Variants in RAP1GAP observed in about 807,000 individuals in gnomAD.
RAP1GAP encodes rap1 GTPase-activating protein 1.
RAP1GAP carries 35 observed loss-of-function variants against 87.2 expected under a neutral mutation model. The ratio of observed to expected loss-of-function variants is 0.40; its 90% CI spans 0.31 to 0.53. RAP1GAP has a LOEUF of 0.53. RAP1GAP is among the 20% of genes least tolerant of loss of function. RAP1GAP has a pLI of 0.48. For missense variants in RAP1GAP, 734 were observed against 898.9 expected (o/e 0.82, Z 2.35); for synonymous variants, 375 against 363.9 (o/e 1.03, Z -0.35).
chr1:21,622,124 G>C lies in RAP1GAP; in HGVS notation c.-18-2074C>G, dbSNP rs1175438005. ...CCTGCCGCTGCAGCCCAGAGCCACA[G>C]TGCCACCCGGGAGGCCACAGCAAGA... On this transcript the variant is annotated intron_variant, in intron 3 of 24. Coordinates refer to ENST00000374765, the MANE Select transcript of RAP1GAP (RefSeq NM_002885.4). The surrounding 1 kb of genome is among the most constrained non-coding windows in gnomAD (Gnocchi z 5.7). Among the ~76,000 whole-genome samples the C allele has an allele frequency of 1.3e-5, 2 of 152,212 alleles. No homozygotes were observed. Among genetic ancestry groups the C allele is most frequent in the African/African-American group, 4.8e-5 (2 of 41,456 alleles).
chr1:21,615,976 A>G lies in RAP1GAP; in HGVS notation c.291+1330T>C, dbSNP rs563351730. ...TGGGTTCTGGGTTTGTTCCCAGGCA[A>G]AGGCTCCTGAACCTGGGCTTGCTGG... On this transcript the variant is annotated intron_variant, in intron 7 of 24. Transcript: ENST00000374765. This position sits in a 1 kb window ranked among gnomAD's most constrained non-coding sequence, Gnocchi z 4.5. Among the ~76,000 whole-genome samples the G allele has an allele frequency of 6.6e-5, 10 of 152,184 alleles. No homozygotes were observed. The South Asian group carries it at 2.1e-3, about 32-fold the overall frequency.
chr1:21,601,773 C>A lies in RAP1GAP; in HGVS notation c.1563G>T (p.Lys521Asn). 1 of 1,610,394 alleles carries A rather than the reference C, an allele frequency of 6.2e-7. No individual in the cohort carries two copies. Among genetic ancestry groups the A allele is most frequent in the African/African-American group, 1.3e-5 (1 of 74,998 alleles). The change falls in exon 20 of 25, where the codon AAG becomes AAT. Residue 521 changes from lysine (K) to asparagine (N), a missense_variant. This residue lies in a region of RAP1GAP where 249 missense variants were observed against 252.7 expected (regional missense o/e 0.99). Transcript: ENST00000374765. ...GTGAGACGTGCCCGCTGTCTGGGGT[C>A]TTCTGACCAGCCGGAGGGCTCTCCC... ...EKRESPPAGQ[K>N]TPDSGHVSQE...
In RAP1GAP at chr1:21,610,781, G is replaced by A. The variant is rs887493096; in HGVS notation, c.844-506C>T. On this transcript the variant is annotated intron_variant, in intron 13 of 24. Transcript: ENST00000374765. The stretch of plus-strand genomic sequence containing the variant: ...CAATTGAATAAACAAGCTCAACTTG[G>A]TATACATTCATGTTGCTAAAATGAA... Among the ~76,000 whole-genome samples, 4 of 152,234 alleles carry A rather than the reference G, an allele frequency of 2.6e-5. No individual in the cohort carries two copies. The East Asian group carries it at 7.7e-4, about 29-fold the overall frequency.
At position 21,634,723 on chromosome 1, in the gene RAP1GAP, C is replaced by T; in HGVS notation, c.-112-8326G>A. Reference sequence around the variant, plus strand: ...GAGGTGGTCACGGGACCGGTCCCTGCCCAGGGCACAGCATCTGGGAACCAG... The same window carrying T: ...GAGGTGGTCACGGGACCGGTCCCTGTCCAGGGCACAGCATCTGGGAACCAG... On this transcript the variant is annotated intron_variant, in intron 2 of 24. Coordinates refer to ENST00000374765, the MANE Select transcript of RAP1GAP (RefSeq NM_002885.4). This position sits in a 1 kb window ranked among gnomAD's most constrained non-coding sequence, Gnocchi z 4.1. The T allele has an allele frequency of 4.4e-6, 2 of 452,388 alleles. No individual in the cohort carries two copies. Among genetic ancestry groups the T allele is most frequent in the South Asian group, 1.6e-5 (1 of 62,494 alleles). 28.0% of individuals were successfully genotyped at this position (452,388 alleles called of 1,614,324 possible). A position where few individuals can be genotyped will look rare whatever the true frequency, so the allele number is the denominator to read the frequency against.
intron 5 of RAP1GAP, among the ~76,000 whole-genome samples, chr1:21,618,501 C>A (rs752733794): frequency 6.6e-6 from 1 of 152,242 alleles, no homozygotes; most frequent in South Asian, 2.1e-4. Context: ...CCCCTCATCT[C>A]GCTGAGTCCC....
intron 2 of RAP1GAP, 75 bp from the exon 3 acceptor site, chr1:21,626,472 A>C: frequency 4.1e-6 from 5 of 1,216,800 alleles, no homozygotes; most frequent in Non-Finnish European, 6.1e-6. Flanking sequence ...AGTCACTCTC[A>C]GAGCTGGGGG....
At chr1:21,660,581 G>A (rs187036570) in intron 1 of RAP1GAP, among the ~76,000 whole-genome samples, 3 of 151,704 alleles carry the variant, frequency 2.0e-5, no homozygotes, top group East Asian at 2.0e-4. Flanking sequence ...TGGTCCTCCC[G>A]CCTCAGCCTC....
intron 2 of RAP1GAP, among the ~76,000 whole-genome samples, chr1:21,633,810 C>A (rs547323016): frequency 3.3e-4 from 50 of 152,160 alleles, no homozygotes; most frequent in Non-Finnish European, 6.2e-4. Context: ...TCCCTGGGGT[C>A]TTCCTGGTTT....
Position 21,660,339 on chromosome 1 carries a change from C to CTATATATATATATATATATA in RAP1GAP, c.-149+8914_-149+8915insTATATATATATATATATATA, listed in dbSNP as rs1553503813. ...CTGGACAGAGTGGGTTCCAACTCAG[C>CTATATATATATATATATATA]TATATATATTTATTGAGACAGTCTC... is the stretch of plus-strand genomic sequence containing the variant. On this transcript the variant is annotated intron_variant, in intron 1 of 24. Coordinates refer to ENST00000374765, the MANE Select transcript of RAP1GAP (RefSeq NM_002885.4). Among the ~76,000 whole-genome samples, 7 of 52,858 alleles carry CTATATATATATATATATATA rather than the reference C, an allele frequency of 1.3e-4. 1 individual carries two copies. Among genetic ancestry groups the CTATATATATATATATATATA allele is most frequent in the Non-Finnish European group, 2.9e-4 (7 of 23,868 alleles). 34.7% of individuals were successfully genotyped at this position (52,858 alleles called of 152,430 possible).
Position 21,602,893 on chromosome 1 carries a change from C to G in RAP1GAP, c.1449G>C (p.Lys483Asn), listed in dbSNP as rs2070084851. 1 of 1,610,512 alleles carries G rather than the reference C, an allele frequency of 6.2e-7. No homozygotes were observed. Among genetic ancestry groups the G allele is most frequent in the Non-Finnish European group, 8.5e-7 (1 of 1,179,566 alleles). The stretch of plus-strand genomic sequence containing the variant: ...GGCCCGACTTCTTCCTCGTGGGGCT[C>G]TTCCCAGGGACAATCAGTGACTGTG... ...AAGISLIVPG[K>N]SPTRKKSGPF... The change falls in exon 19 of 25, where the codon AAG becomes AAC. Residue 483 changes from lysine (K) to asparagine (N), a missense_variant. This residue lies in a region of RAP1GAP where 249 missense variants were observed against 252.7 expected (regional missense o/e 0.99). Coordinates refer to ENST00000374765, the MANE Select transcript of RAP1GAP (RefSeq NM_002885.4).
chr1:21,667,917 A>G (rs2152447583), intron 1 of RAP1GAP, among the ~76,000 whole-genome samples: 1 of 152,260 alleles, frequency 6.6e-6, no homozygotes, highest in Admixed American at 6.5e-5. Flanking sequence ...CCCTTACCAG[A>G]CCTTCCAGCT....
rs1391323704 is a variant in RAP1GAP, at chr1:21,669,299, C to T, written c.-194G>A. On this transcript the variant is annotated 5_prime_UTR_variant, in exon 1 of 25. Transcript: ENST00000374765. This position sits in a 1 kb window ranked among gnomAD's most constrained non-coding sequence, Gnocchi z 5.6. ...CGTCCTGGGCTCGGCACTCTGGTGC[C>T]CGCGGCCGCCGCTGCAGCTCTGCTC... 1.7e-6 allele frequency: 2 copies of T among 1,173,854 alleles called. No individual in the cohort carries two copies. Among genetic ancestry groups the T allele is most frequent in the Non-Finnish European group, 2.1e-6 (2 of 943,416 alleles). 72.7% of individuals were successfully genotyped at this position (1,173,854 alleles called of 1,614,324 possible). A position where few individuals can be genotyped will look rare whatever the true frequency, so the allele number is the denominator to read the frequency against.
intron 1 of RAP1GAP, among the ~76,000 whole-genome samples, chr1:21,650,822 TCCCAC>T (rs1289639680): frequency 6.6e-6 from 1 of 151,328 alleles, no homozygotes; most frequent in African/African-American, 2.4e-5. Context: ...GCCTCTGGCC[TCCCAC>T]CCCACCCCAC....
At chr1:21,635,151 C>G (rs1411673961) in intron 2 of RAP1GAP, among the ~76,000 whole-genome samples, 1 of 152,162 alleles carries the variant, frequency 6.6e-6, no homozygotes. Context: ...CCCACGTCCA[C>G]GCAGGACACA....
intron 2 of RAP1GAP, among the ~76,000 whole-genome samples, chr1:21,644,900 C>CAAAAAAAA (rs34783815): frequency 1.7e-5 from 2 of 114,550 alleles, no homozygotes; most frequent in African/African-American, 6.9e-5. Flanking sequence ...GACCCTGTCT[C>CAAAAAAAA]AAAAAAAAAA....
intron 5 of RAP1GAP, 73 bp downstream of exon 5, chr1:21,618,951 TG>T: frequency 7.0e-7 from 1 of 1,437,862 alleles, no homozygotes; most frequent in Non-Finnish European, 9.6e-7. Context: ...TCCTGCTTGA[TG>T]GGCAGTGGTG....
At chr1:21,627,021 C>A (rs1362316487) in intron 2 of RAP1GAP, 1 of 456,626 alleles carries the variant, frequency 2.2e-6, no homozygotes, top group South Asian at 1.5e-5. Flanking sequence ...CTGCCTGAGT[C>A]TAAGCCCGGA....
At position 21,669,338 on chromosome 1, in the gene RAP1GAP, G is replaced by A. The variant is rs1031925378; in HGVS notation, c.-233C>T. ...GCAGCTCTGCTCAGATGCGGCCGGC[G>A]CTCGCCGCCGCCGCAGTTCGGGGAG... On this transcript the variant is annotated 5_prime_UTR_variant, in exon 1 of 25. Transcript: ENST00000374765. The surrounding 1 kb of genome is among the most constrained non-coding windows in gnomAD (Gnocchi z 5.6). 2 of 1,076,576 alleles carry A rather than the reference G, an allele frequency of 1.9e-6. No individual in the cohort carries two copies. The highest frequency in any genetic ancestry group is 2.2e-5 in the South Asian group (1 of 44,942). The allele number at this position is 1,076,576 out of a possible 1,614,324, so 66.7% of individuals were successfully genotyped here. A position where few individuals can be genotyped will look rare whatever the true frequency, so the allele number is the denominator to read the frequency against.
chr1:21,633,883 G>C (rs941021813), intron 2 of RAP1GAP, among the ~76,000 whole-genome samples: 13 of 152,056 alleles, frequency 8.5e-5, no homozygotes, highest in African/African-American at 3.1e-4. Flanking sequence ...ATGAGGACAA[G>C]GGCACAGACC....
Sources: allele counts gnomAD v4.1 joint callset (sites outside exome capture counted in the v4.1 genomes callset), GRCh38; gene constraint gnomAD v4.1.1; regional missense constraint gnomAD v4.1.1; non-coding constraint Gnocchi (gnomAD v3.1); transcripts MANE v1.5; gene names NCBI Gene and HGNC (gene_info 2026-07-23, HGNC 2026-07-21).